Variants in GNAL observed in about 807,000 individuals in gnomAD.
The protein encoded by GNAL is G protein subunit alpha L.
In GNAL, 18 loss-of-function variants were observed where a neutral mutation model predicts 55.1. That is an observed-to-expected ratio of 0.33 (90% CI 0.23 to 0.48). The LOEUF (loss-of-function observed/expected upper bound fraction) is 0.48, where lower values mean the gene tolerates loss of function less well. GNAL is among the 20% of genes least tolerant of loss of function. The pLI is 0.99. For missense variants in GNAL, 412 were observed against 614.1 expected, an observed-to-expected ratio of 0.67 and a Z score of 3.48; for synonymous variants, 253 against 237.0, an observed-to-expected ratio of 1.07 and a Z score of -0.62.
chr18:11,836,524 G>C (rs1238540620), intron 5 of GNAL, among the ~76,000 whole-genome samples: 1 of 152,144 alleles, frequency 6.6e-6, no homozygotes, highest in African/African-American at 2.4e-5. Context: ...GTAGCTGTAA[G>C]ATAGCTCATA....
At chr18:11,763,547 T>G (rs994914898) in intron 4 of GNAL, among the ~76,000 whole-genome samples, 2 of 151,976 alleles carry the variant, frequency 1.3e-5, no homozygotes, top group African/African-American at 4.8e-5. Flanking sequence ...TGGCTAATTT[T>G]TGTATTTTTA....
chr18:11,791,935 A>T (rs944507525), intron 4 of GNAL, among the ~76,000 whole-genome samples: 7 of 151,350 alleles, frequency 4.6e-5, no homozygotes, highest in Non-Finnish European at 8.8e-5. Context: ...TCTCCTGCAC[A>T]GTTAAGCCAG....
chr18:11,697,088 C>T (rs1384590675), intron 1 of GNAL, among the ~76,000 whole-genome samples: 2 of 152,226 alleles, frequency 1.3e-5, no homozygotes, highest in African/African-American at 4.8e-5. Context: ...TGTAAATTCA[C>T]ATAATGAGAT....
At chr18:11,778,149 G>A (rs1487840943) in intron 4 of GNAL, among the ~76,000 whole-genome samples, 2 of 152,186 alleles carry the variant, frequency 1.3e-5, no homozygotes, top group Non-Finnish European at 2.9e-5. Flanking sequence ...AATAGTGACT[G>A]TTGAGGAAGG....
chr18:11,807,140 T>C (rs1310075263), intron 4 of GNAL, among the ~76,000 whole-genome samples: 3 of 151,060 alleles, frequency 2.0e-5, no homozygotes, highest in Non-Finnish European at 2.9e-5. Flanking sequence ...GCCTGGGTGA[T>C]AGAGCGAGAC....
rs565949008 is a variant in GNAL at position 11,880,200 on chromosome 18, T to C, written c.1231-789T>C. ...TGAACCCGGGAGGCAGAGGTTGCAG[T>C]GAGCCGAGATGGCACCACTGCACTC... On this transcript the variant is annotated intron_variant, in intron 11 of 11. Coordinates refer to ENST00000334049, the MANE Select transcript of GNAL (RefSeq NM_182978.4). 4.6e-4 allele frequency among the ~76,000 whole-genome samples: 70 copies of C among 151,162 alleles called. 2 individuals carry two copies. The highest frequency in any genetic ancestry group is 1.6e-3 in the African/African-American group (65 of 41,336).
At chr18:11,795,903 A>G (rs1042658444) in intron 4 of GNAL, among the ~76,000 whole-genome samples, 2 of 152,218 alleles carry the variant, frequency 1.3e-5, no homozygotes, top group African/African-American at 4.8e-5. Flanking sequence ...ATGGGTTAAG[A>G]GTAAAAAATT....
chr18:11,708,865 A>G (rs1186675967), intron 1 of GNAL, among the ~76,000 whole-genome samples: 1 of 152,194 alleles, frequency 6.6e-6, no homozygotes, highest in Non-Finnish European at 1.5e-5. Context: ...TATCCAAGAA[A>G]TCATTGCCAA....
At chr18:11,690,029 C>A in intron 1 of GNAL, 90 bp downstream of exon 1, 1 of 737,978 alleles carries the variant, frequency 1.4e-6, no homozygotes, top group Non-Finnish European at 1.8e-6. Context: ...GTGGCGGGCA[C>A]CGGGGAGCGG....
chr18:11,882,795 T>C lies in GNAL; in HGVS notation c.*1660T>C, dbSNP rs641010. On this transcript the variant is annotated 3_prime_UTR_variant, in exon 12 of 12. Transcript: ENST00000334049. ...AAGAAGAAACATTACAAAACCTTAA[T>C]CTGAAGTATAAAGTCAAAAGATACG... 0.74 allele frequency: 111,661 copies of C among 151,888 alleles called. 41,800 individuals are homozygous for C. Among genetic ancestry groups the C allele is most frequent in the Middle Eastern group, 0.84 (246 of 294 alleles). 9.4% of individuals were successfully genotyped at this position (151,888 alleles called of 1,614,324 possible). A position where few individuals can be genotyped will look rare whatever the true frequency, so the allele number is the denominator to read the frequency against.
At chr18:11,870,863 T>C (rs2036381590) in intron 9 of GNAL, among the ~76,000 whole-genome samples, 1 of 152,164 alleles carries the variant, frequency 6.6e-6, no homozygotes, top group South Asian at 2.1e-4. Context: ...ACAACCATCC[T>C]CAAATTTGTG....
chr18:11,851,320 AC>A, intron 5 of GNAL: 1 of 651,786 alleles, frequency 1.5e-6, no homozygotes, highest in South Asian at 2.4e-5. Flanking sequence ...CACAGGCCCC[AC>A]CCCGGCGCCT....
intron 1 of GNAL, among the ~76,000 whole-genome samples, chr18:11,748,761 TA>T (rs961207614): frequency 6.6e-6 from 1 of 151,734 alleles, no homozygotes; most frequent in African/African-American, 2.4e-5. Flanking sequence ...ATCTTGACAT[TA>T]AAAAAAAGTT....
intron 1 of GNAL, among the ~76,000 whole-genome samples, chr18:11,739,102 G>A (rs915996477): frequency 6.6e-6 from 1 of 152,176 alleles, no homozygotes; most frequent in Non-Finnish European, 1.5e-5. Flanking sequence ...CTAGATCCCT[G>A]GGGGCACTTG....
chr18:11,852,217 T>C lies in GNAL; in HGVS notation c.723-10178T>C, dbSNP rs1298302327. ...AGAAACTCTGAACACGCCAGAATGCTGAAATGCCCTTCTACCTTTGGGTTT... is the reference window on the plus strand; with the variant it reads ...AGAAACTCTGAACACGCCAGAATGCCGAAATGCCCTTCTACCTTTGGGTTT... On this transcript the variant is annotated intron_variant, in intron 5 of 11. Transcript: ENST00000334049. 3.0e-6 allele frequency: 4 copies of C among 1,354,862 alleles called. No individual in the cohort carries two copies. The Admixed American group carries it at 1.2e-4, about 39-fold the overall frequency. 83.9% of individuals were successfully genotyped at this position (1,354,862 alleles called of 1,614,324 possible).
At chr18:11,793,929 A>G (rs558224895) in intron 4 of GNAL, among the ~76,000 whole-genome samples, 95 of 150,898 alleles carry the variant, frequency 6.3e-4, no homozygotes, top group African/African-American at 2.3e-3. Flanking sequence ...AAAAAAAAAA[A>G]GGACAAAGGA....
At position 11,777,573 on chromosome 18, in the gene GNAL, T is replaced by G. The variant is rs1020195893; in HGVS notation, c.624+23628T>G. On this transcript the variant is annotated intron_variant, in intron 4 of 11. Transcript: ENST00000334049. ...AGTTGGCATGTTGATGAAAAGAGGC[T>G]TCAAATCTTAACAGTTACAAATAAC... Among the ~76,000 whole-genome samples the G allele has an allele frequency of 1.3e-4, 20 of 152,352 alleles. No individual in the cohort carries two copies. The South Asian group carries it at 2.3e-3, about 17-fold the overall frequency.
At chr18:11,741,060 A>C (rs969518255) in intron 1 of GNAL, among the ~76,000 whole-genome samples, 2 of 152,276 alleles carry the variant, frequency 1.3e-5, no homozygotes, top group Admixed American at 1.3e-4. Flanking sequence ...AGTCTAAAAG[A>C]AACCAGTTGC....
At chr18:11,804,825 G>A (rs1404255315) in intron 4 of GNAL, among the ~76,000 whole-genome samples, 3 of 125,704 alleles carry the variant, frequency 2.4e-5, no homozygotes, top group African/African-American at 3.5e-5. Context: ...TGCAGTTTGA[G>A]TGGAACACGG....
Sources: gnomAD v4.1 joint callset for allele counts (sites outside exome capture counted in the v4.1 genomes callset) on GRCh38, gnomAD v4.1.1 for gene constraint, MANE v1.5 for transcripts, NCBI Gene and HGNC (gene_info 2026-07-23, HGNC 2026-07-21) for gene names.